DOCK9: variants seen among roughly 807,000 people sequenced by gnomAD.
DOCK9 encodes the protein dedicator of cytokinesis protein 9.
A neutral mutation model predicts 263.3 loss-of-function variants in DOCK9; 89 were observed. The observed-to-expected ratio is 0.34, with a 90% CI of 0.28 to 0.40. The LOEUF is 0.40. Among genes scored for constraint, DOCK9 ranks in the 10% least tolerant of loss-of-function variants. The pLI is 1.00. For missense variants in DOCK9, 2,140 were observed against 2,603.4 expected (o/e 0.82, Z 3.87); for synonymous variants, 976 against 973.1 (o/e 1.00, Z -0.06).
At chr13:99,028,902 A>T (rs1355112591) in intron 1 of DOCK9, among the ~76,000 whole-genome samples, 3 of 152,216 alleles carry the variant, frequency 2.0e-5, no homozygotes, top group Non-Finnish European at 4.4e-5. Flanking sequence ...TGAATATTCA[A>T]AGGGGTAGGC....
intron 2 of DOCK9, among the ~76,000 whole-genome samples, chr13:98,938,513 C>T (rs1349716675): frequency 2.0e-5 from 3 of 152,076 alleles, no homozygotes; most frequent in Non-Finnish European, 4.4e-5. Flanking sequence ...ACATAAAAGG[C>T]ATCCAGAAAA....
At chr13:99,006,320 C>T (rs1279985544) in intron 1 of DOCK9, among the ~76,000 whole-genome samples, 1 of 152,154 alleles carries the variant, frequency 6.6e-6, no homozygotes, top group Admixed American at 6.5e-5. Flanking sequence ...CTTAATAGGC[C>T]TTTAAAAAAT....
In DOCK9 at chr13:98,811,130, G is replaced by C. The variant is rs76932433; in HGVS notation, c.5131-839C>G. On this transcript the variant is annotated intron_variant, in intron 45 of 52. Transcript: ENST00000682017. Reference sequence around the variant, plus strand: ...TGGTGTCATGAATAACTCTGTTAAAGGTTTGGATTGATTGATGTTAATCTC... The same window carrying C: ...TGGTGTCATGAATAACTCTGTTAAACGTTTGGATTGATTGATGTTAATCTC... 3.4e-3 allele frequency among the ~76,000 whole-genome samples: 514 copies of C among 152,312 alleles called. 3 individuals carry two copies. The highest frequency in any genetic ancestry group is 4.9e-3 in the Non-Finnish European group (333 of 68,034).
chr13:98,988,838 G>A (rs1467347880), intron 1 of DOCK9, among the ~76,000 whole-genome samples: 1 of 152,234 alleles, frequency 6.6e-6, no homozygotes, highest in East Asian at 1.9e-4. Flanking sequence ...GCAGATGCAA[G>A]AGCAGGGATT....
intron 4 of DOCK9, among the ~76,000 whole-genome samples, chr13:98,924,625 C>T (rs2052626222): frequency 6.6e-6 from 1 of 152,158 alleles, no homozygotes; most frequent in African/African-American, 2.4e-5. Context: ...GCTGTTCTCA[C>T]AGTAATGAGT....
chr13:98,989,346 G>GATGATGATA (rs1357152750), intron 1 of DOCK9, among the ~76,000 whole-genome samples: 228 of 60,038 alleles, frequency 3.8e-3, no homozygotes, highest in Non-Finnish European at 7.5e-3. Context: ...TGATGATGAT[G>GATGATGATA]ATAATAATAA....
intron 27 of DOCK9, among the ~76,000 whole-genome samples, chr13:98,874,162 T>C (rs1706223567): frequency 6.6e-6 from 1 of 152,240 alleles, no homozygotes; most frequent in Non-Finnish European, 1.5e-5. Flanking sequence ...CCTCCAGTCC[T>C]GGGCAACCAC....
intron 3 of DOCK9, 126 bp downstream of exon 3, chr13:98,930,042 G>T: frequency 1.2e-6 from 1 of 826,958 alleles, no homozygotes; most frequent in Non-Finnish European, 1.9e-6. Context: ...TATTCTATTT[G>T]AACTTCCATC....
rs773119924 is a variant in DOCK9 at position 98,885,704 on chromosome 13, C to T, written c.2260+4G>A. On this transcript the variant is annotated splice_donor_region_variant and intron_variant, in intron 20 of 52. Coordinates refer to ENST00000682017, the MANE Select transcript of DOCK9 (RefSeq NM_001366683.2). ...AAATCAAAGGAATGGTAAGCCCCCC[C>T]AACCTTGGGTTTCAACGACATCCCT... is the stretch of plus-strand genomic sequence containing the variant. 4 of 1,608,530 alleles carry T rather than the reference C, an allele frequency of 2.5e-6. No homozygotes were observed. Among genetic ancestry groups the T allele is most frequent in the Admixed American group, 3.4e-5 (2 of 58,606 alleles).
intron 27 of DOCK9, among the ~76,000 whole-genome samples, chr13:98,875,210 G>C (rs2043632313): frequency 6.6e-6 from 1 of 152,128 alleles, no homozygotes; most frequent in African/African-American, 2.4e-5. Flanking sequence ...AACTCCATTT[G>C]CATTTTTCCT....
chr13:98,980,676 T>C (rs946841122), upstream of DOCK9, among the ~76,000 whole-genome samples: 12 of 152,256 alleles, frequency 7.9e-5, no homozygotes, highest in African/African-American at 2.9e-4. Flanking sequence ...AAATTAATTT[T>C]AGTCTTAAAC....
At chr13:98,917,999 C>A (rs1299886168) in intron 7 of DOCK9, among the ~76,000 whole-genome samples, 1 of 152,180 alleles carries the variant, frequency 6.6e-6, no homozygotes, top group Non-Finnish European at 1.5e-5. Flanking sequence ...TTGGTCCCTG[C>A]AGACATCTGA....
At chr13:99,027,551 T>C (rs1307344195) in intron 1 of DOCK9, among the ~76,000 whole-genome samples, 1 of 152,164 alleles carries the variant, frequency 6.6e-6, no homozygotes, top group Non-Finnish European at 1.5e-5. Flanking sequence ...CAAATGTCTC[T>C]TTAGACCTCT....
intron 1 of DOCK9, 76 bp from the exon 2 acceptor site, chr13:98,955,627 TACTCTATGTTTTGTA>T: frequency 1.1e-6 from 1 of 945,428 alleles, no homozygotes; most frequent in Non-Finnish European, 1.6e-6. Flanking sequence ...TAGTATGTTC[TACTCTATGTTTTGTA>T]TTTTCTACAA....
intron 1 of DOCK9, among the ~76,000 whole-genome samples, chr13:99,008,188 CT>C (rs1883701461): frequency 1.8e-5 from 1 of 57,082 alleles, no homozygotes; most frequent in Non-Finnish European, 3.5e-5. Context: ...TGTGCAGCCT[CT>C]CTCTCTCTCT....
At position 98,990,285 on chromosome 13, in the gene DOCK9, C is replaced by T. The variant is rs539282419; in HGVS notation, c.130-34734G>A. Among the ~76,000 whole-genome samples, 21 of 152,308 alleles carry T rather than the reference C, an allele frequency of 1.4e-4. No individual in the cohort carries two copies. The South Asian group carries it at 3.7e-3, about 27-fold the overall frequency. Reference sequence around the variant, plus strand: ...ACTGCAATGAAAATAATGCCCCATCCAGTGTTACAGACTTAATGTACTATT... The same window carrying T: ...ACTGCAATGAAAATAATGCCCCATCTAGTGTTACAGACTTAATGTACTATT... On this transcript the variant is annotated intron_variant, in intron 1 of 32. Coordinates refer to the DOCK9 transcript ENST00000427887.
chr13:98,830,539 C>T (rs576747058), intron 41 of DOCK9, among the ~76,000 whole-genome samples: 10 of 152,332 alleles, frequency 6.6e-5, no homozygotes, highest in East Asian at 1.9e-4. Context: ...TTCTAAACTC[C>T]GCAGTAAGGA....
At chr13:98,991,084 T>TG (rs1332671390) in intron 1 of DOCK9, among the ~76,000 whole-genome samples, 1 of 151,762 alleles carries the variant, frequency 6.6e-6, no homozygotes, top group South Asian at 2.1e-4. Context: ...ATTTCTTTTT[T>TG]TTTTTGAGAT....
At chr13:99,060,472 A>G (rs72645629) in intron 1 of DOCK9, among the ~76,000 whole-genome samples, 4 of 152,338 alleles carry the variant, frequency 2.6e-5, no homozygotes, top group African/African-American at 4.8e-5. Context: ...TTTTGGATAT[A>G]TAACTAGGAG....
Sources: gnomAD v4.1 joint callset for allele counts (sites outside exome capture counted in the v4.1 genomes callset) on GRCh38, gnomAD v4.1.1 for gene constraint, MANE v1.5 for transcripts, NCBI Gene and HGNC (gene_info 2026-07-23, HGNC 2026-07-21) for gene names.